Variants in RYR2 observed in about 807,000 individuals in gnomAD.
The protein encoded by RYR2 is ryanodine receptor 2.
Under a neutral mutation model 601.1 loss-of-function variants are expected in RYR2, and 227 were observed. The observed-to-expected ratio is 0.38, with a 90% CI of 0.34 to 0.42. The LOEUF (loss-of-function observed/expected upper bound fraction) is 0.42, where lower values mean the gene tolerates loss of function less well. Ranked by LOEUF, RYR2 falls within the 10% of genes least tolerant of loss-of-function variation. RYR2 has a pLI of 1.00. For synonymous variants in RYR2, 2,223 were observed against 2,175.1 expected (o/e 1.02, Z -0.61); for missense variants, 4,646 against 6,156.5 (o/e 0.75, Z 8.21).
intron 92 of RYR2, among the ~76,000 whole-genome samples, chr1:237,789,528 T>C (rs886239723): frequency 8.1e-6 from 1 of 123,614 alleles, no homozygotes; most frequent in Non-Finnish European, 1.7e-5. Context: ...TATAGTTCTA[T>C]TATAGGTCAT....
chr1:237,670,096 G>A (rs1408064723), intron 58 of RYR2, among the ~76,000 whole-genome samples: 4 of 152,230 alleles, frequency 2.6e-5, no homozygotes, highest in Admixed American at 2.0e-4. Context: ...AGACCGGCCT[G>A]GCCAACACAG....
At chr1:237,176,115 T>C (rs2485602) in intron 1 of RYR2, among the ~76,000 whole-genome samples, 144,222 of 151,600 alleles carry the variant, frequency 0.95, 68,849 homozygotes, top group Non-Finnish European at 0.99. Context: ...GTAGTCCCAG[T>C]TGTTTGGGAG....
In RYR2 at chr1:237,778,788, C is replaced by T; in HGVS notation, c.11880+18C>T. ...TGTCGCAGGTAAACTAACTAACTGC[C>T]TTCCTCTCTCTTAAATGACAAACTG... On this transcript the variant is annotated intron_variant, in intron 88 of 104. Transcript: ENST00000366574. The T allele has an allele frequency of 1.6e-6, 2 of 1,246,798 alleles. No homozygotes were observed. The highest frequency in any genetic ancestry group is 1.2e-5 in the South Asian group (1 of 83,488). 77.2% of individuals were successfully genotyped at this position (1,246,798 alleles called of 1,614,324 possible).
At chr1:237,071,922 G>T (rs986969401) in intron 1 of RYR2, among the ~76,000 whole-genome samples, 3 of 152,244 alleles carry the variant, frequency 2.0e-5, no homozygotes, top group African/African-American at 7.2e-5. Flanking sequence ...TTGAGCGTGG[G>T]TATACAGCTG....
At chr1:237,635,937 C>T (rs1276929560) in intron 44 of RYR2, among the ~76,000 whole-genome samples, 5 of 152,176 alleles carry the variant, frequency 3.3e-5, no homozygotes, top group Admixed American at 1.3e-4. Flanking sequence ...CATCGTGGCT[C>T]TTTGTAGGCA....
chr1:237,816,532 T>C (rs986203796), intron 100 of RYR2, among the ~76,000 whole-genome samples: 2 of 151,810 alleles, frequency 1.3e-5, no homozygotes, highest in African/African-American at 4.8e-5. Flanking sequence ...CTACCAAAAA[T>C]ACAAAAATTA....
In RYR2 at chr1:237,374,752, T is replaced by C. The variant is rs2149782582; in HGVS notation, c.420T>C (p.Thr140=). ...GCCTGTCCACCTCCCGGTCTTCAAC[T>C]GATAAGCTGGCTTTTGATGTTGGCT... ...LCCLSTSRSS[T]DKLAFDVGLQ... The change falls in exon 7 of 105, where the codon ACT becomes ACC. Residue 140 remains threonine, a synonymous_variant. Transcript: ENST00000366574. 1 of 1,613,178 alleles carries C rather than the reference T, an allele frequency of 6.2e-7. No individual in the cohort carries two copies. Among genetic ancestry groups the C allele is most frequent in the Non-Finnish European group, 8.5e-7 (1 of 1,179,552 alleles).
intron 81 of RYR2, 60 bp downstream of exon 81, chr1:237,756,447 A>C: frequency 5.4e-6 from 6 of 1,119,870 alleles, no homozygotes; most frequent in Non-Finnish European, 7.9e-6. Context: ...CGTTGCTCTC[A>C]AGGTCCTCCC....
intron 1 of RYR2, among the ~76,000 whole-genome samples, chr1:237,241,438 A>G (rs1428114403): frequency 6.6e-6 from 1 of 152,200 alleles, no homozygotes; most frequent in Admixed American, 6.5e-5. Flanking sequence ...ATATCTCTAA[A>G]TGGAGAATGT....
At chr1:237,326,496 G>A (rs1041322181) in intron 2 of RYR2, among the ~76,000 whole-genome samples, 1 of 152,158 alleles carries the variant, frequency 6.6e-6, no homozygotes, top group Non-Finnish European at 1.5e-5. Context: ...TTGCATTACA[G>A]GTAAACGCCA....
At chr1:237,560,792 A>G (rs1472562403) in intron 27 of RYR2, among the ~76,000 whole-genome samples, 1 of 152,212 alleles carries the variant, frequency 6.6e-6, no homozygotes, top group African/African-American at 2.4e-5. Flanking sequence ...TCACTCAGCA[A>G]TAAAGATTAA....
rs1467599671 is a variant in RYR2 at position 237,650,302 on chromosome 1, C to G, written c.7733+205C>G. ...TTCCAGAGTGTTCCTCCAAGCCTCC[C>G]TAGGGTATCCAGCTGTTGGATATAG... On this transcript the variant is annotated intron_variant, in intron 50 of 104. Transcript: ENST00000366574. 2.6e-5 allele frequency among the ~76,000 whole-genome samples: 4 copies of G among 152,032 alleles called. No individual in the cohort carries two copies. In the East Asian group the frequency reaches 7.7e-4, roughly 29 times the overall value.
chr1:237,710,596 T>C (rs1248021947), intron 70 of RYR2, among the ~76,000 whole-genome samples: 1 of 152,172 alleles, frequency 6.6e-6, no homozygotes, highest in Non-Finnish European at 1.5e-5. Flanking sequence ...GATACAAATT[T>C]ATTTATCCTG....
intron 1 of RYR2, among the ~76,000 whole-genome samples, chr1:237,061,261 TATCTATCC>T (rs1662821011): frequency 2.8e-4 from 26 of 92,082 alleles, no homozygotes; most frequent in East Asian, 5.1e-4. Context: ...ATCATCTATC[TATCTATCC>T]ATCTATCATC....
intron 10 of RYR2, among the ~76,000 whole-genome samples, chr1:237,391,222 C>A (rs559297061): frequency 6.6e-6 from 1 of 152,212 alleles, no homozygotes. Context: ...GGATAGCTCA[C>A]CCCGGAAGCA....
At chr1:237,519,290 CTTGT>C (rs1666863750) in intron 24 of RYR2, among the ~76,000 whole-genome samples, 1 of 152,054 alleles carries the variant, frequency 6.6e-6, no homozygotes, top group African/African-American at 2.4e-5. Flanking sequence ...TTAAATAGGT[CTTGT>C]TTGTCTATTT....
chr1:237,823,194 A>G (rs1574095311), intron 101 of RYR2, among the ~76,000 whole-genome samples: 2 of 152,210 alleles, frequency 1.3e-5, no homozygotes, highest in Admixed American at 1.3e-4. Context: ...ACAGACATCT[A>G]CAGAACTCTC....
chr1:237,089,002 G>T lies in RYR2; in HGVS notation c.48+46433G>T, dbSNP rs2385578. On this transcript the variant is annotated intron_variant, in intron 1 of 104. Transcript: ENST00000366574. ...CGAATAACAAACCAAACCCACATGG[G>T]TCCCATAGATCTGGACCTCTCATTC... Among the ~76,000 whole-genome samples the T allele has an allele frequency of 9.1e-3, 1,388 of 152,222 alleles. 26 individuals carry two copies. Among genetic ancestry groups the T allele is most frequent in the African/African-American group, 0.032 (1,323 of 41,514 alleles).
At chr1:237,802,559 CTG>C (rs928067007) in intron 98 of RYR2, among the ~76,000 whole-genome samples, 2 of 152,210 alleles carry the variant, frequency 1.3e-5, no homozygotes, top group African/African-American at 2.4e-5. Context: ...GCCCAGAACT[CTG>C]GGTGTCTTAG....
Sources: allele counts gnomAD v4.1 joint callset (sites outside exome capture counted in the v4.1 genomes callset), GRCh38; gene constraint gnomAD v4.1.1; transcripts MANE v1.5; gene names NCBI Gene and HGNC (gene_info 2026-07-23, HGNC 2026-07-21).